Variants in INTS11 observed in about 807,000 individuals in gnomAD.
INTS11 encodes the protein integrator complex subunit 11.
A neutral mutation model predicts 78.6 loss-of-function variants in INTS11; 77 were observed. The ratio of observed to expected loss-of-function variants is 0.98; its 90% CI spans 0.81 to 1.18. The LOEUF (loss-of-function observed/expected upper bound fraction) is 1.18, where lower values mean the gene tolerates loss of function less well. Among genes scored for constraint, INTS11 ranks in the 50% most tolerant of loss-of-function variants. The probability of loss-of-function intolerance (pLI) is 0.00; values close to 1 mark genes in which losing one functional copy is unlikely to be tolerated. For missense variants in INTS11, 875 were observed against 825.9 expected, an observed-to-expected ratio of 1.06 and a Z score of -0.73; for synonymous variants, 441 against 326.9, an observed-to-expected ratio of 1.35 and a Z score of -3.77.
chr1:1,320,645 G>C (rs774065642), intron 2 of INTS11, 116 bp from the exon 3 acceptor site: 5 of 1,030,748 alleles, frequency 4.9e-6, no homozygotes, highest in African/African-American at 1.6e-5. Flanking sequence ...GACTCAGGCT[G>C]GGCACTCCCA....
chr1:1,319,480 T>TC lies in INTS11; in HGVS notation c.244dup (p.Glu82GlyfsTer65). On this transcript the variant is annotated frameshift_variant, in exon 4 of 17. Transcript: ENST00000435064. LOFTEE classifies it high-confidence loss of function. ...GATGGGCCCGTCGTAGCCCACCATC[T>TC]CGCTGAAGTAGGGGAGTGCCCCGCA... is the stretch of plus-strand genomic sequence containing the variant. The TC allele has an allele frequency of 6.2e-7, 1 of 1,605,524 alleles. No homozygotes were observed. Among genetic ancestry groups the TC allele is most frequent in the Non-Finnish European group, 8.5e-7 (1 of 1,175,414 alleles).
At position 1,311,851 on chromosome 1, in the gene INTS11, TGCC is replaced by T. The variant is rs1356457182; in HGVS notation, c.*5_*7del. 1.3e-6 allele frequency: 2 copies of T among 1,544,474 alleles called. No homozygotes were observed. Among genetic ancestry groups the T allele is most frequent in the Non-Finnish European group, 1.7e-6 (2 of 1,145,232 alleles). On this transcript the variant is annotated 3_prime_UTR_variant, in exon 17 of 17. Coordinates refer to ENST00000435064, the MANE Select transcript of INTS11 (RefSeq NM_017871.6). ...GGGCAGAGGTGGCGGCTGGGTGAGT[TGCC>T]GGCCTCAGCTGGGGGCCTGGGGGAG...
At chr1:1,323,507 C>T (rs1449995925) in intron 1 of INTS11, among the ~76,000 whole-genome samples, 1 of 152,098 alleles carries the variant, frequency 6.6e-6, no homozygotes, top group Non-Finnish European at 1.5e-5. Flanking sequence ...TGGGCTCAAG[C>T]AATCCTCACA....
rs141612519 is a variant in INTS11 at position 1,323,438 on chromosome 1, G to A, written c.28+1143C>T. 9.9e-3 allele frequency among the ~76,000 whole-genome samples: 1,505 copies of A among 152,186 alleles called. 8 individuals are homozygous for A. Among genetic ancestry groups the A allele is most frequent in the Non-Finnish European group, 0.014 (933 of 68,012 alleles). On this transcript the variant is annotated intron_variant, in intron 1 of 16. Transcript: ENST00000435064. ...TGACTTTCTTTTGAGACATGGTTTT[G>A]CTGTCACCCAGGCTGGAGTGCAGTG...
chr1:1,321,332 TC>T (rs1056586213), intron 1 of INTS11, among the ~76,000 whole-genome samples: 2 of 152,148 alleles, frequency 1.3e-5, no homozygotes, highest in African/African-American at 4.8e-5. Context: ...CCCGCCAGCT[TC>T]CCCTGGCCTC....
chr1:1,319,236 G>A, intron 4 of INTS11, 60 bp downstream of exon 4: 1 of 1,374,988 alleles, frequency 7.3e-7, no homozygotes, highest in Non-Finnish European at 1.0e-6. Context: ...AACGGGCGGA[G>A]GGCATGGTTG....
At position 1,320,870 on chromosome 1, in the gene INTS11, C is replaced by A. The variant is rs76181513; in HGVS notation, c.126+126G>T. ...CAGGCCCACCCATCCCTGCTCCCCACAGGGTGCAGCCATCCAAGCACAACC... is the reference window on the plus strand; with the variant it reads ...CAGGCCCACCCATCCCTGCTCCCCAAAGGGTGCAGCCATCCAAGCACAACC... On this transcript the variant is annotated intron_variant, in intron 2 of 16. Coordinates refer to ENST00000435064, the MANE Select transcript of INTS11 (RefSeq NM_017871.6). 0.016 allele frequency: 14,281 copies of A among 910,936 alleles called. 1,368 individuals are homozygous for A. In the African/African-American group the frequency reaches 0.21, roughly 13 times the overall value. 56.4% of individuals were successfully genotyped at this position (910,936 alleles called of 1,614,324 possible). A position where few individuals can be genotyped will look rare whatever the true frequency, so the allele number is the denominator to read the frequency against.
intron 1 of INTS11, chr1:1,322,008 G>A: frequency 7.5e-7 from 1 of 1,341,956 alleles, no homozygotes; most frequent in South Asian, 2.0e-5. Flanking sequence ...GGGATCTCAG[G>A]TTCTCTTCCA....
chr1:1,315,631 G>T lies in INTS11; in HGVS notation c.430-13C>A. 1 of 1,601,676 alleles carries T rather than the reference G, an allele frequency of 6.2e-7. No individual in the cohort carries two copies. Among genetic ancestry groups the T allele is most frequent in the Non-Finnish European group, 8.5e-7 (1 of 1,172,404 alleles). On this transcript the variant is annotated splice_polypyrimidine_tract_variant and intron_variant, in intron 4 of 16. Coordinates refer to ENST00000435064, the MANE Select transcript of INTS11 (RefSeq NM_017871.6). ...GCTCATCATCTACCTGTGGAGGACA[G>T]GGCTGCGCTCAGGCTGTGTCCTCAC... is the stretch of plus-strand genomic sequence containing the variant.
At position 1,321,916 on chromosome 1, in the gene INTS11, G is replaced by A. The variant is rs527335333; in HGVS notation, c.29-823C>T. On this transcript the variant is annotated intron_variant, in intron 1 of 16. Transcript: ENST00000435064. ...CCTTGAATCCCACCCACCTCCCCCTGCCAGCCACTCGAAGTGTCCAAAGCC... is the reference window on the plus strand; with the variant it reads ...CCTTGAATCCCACCCACCTCCCCCTACCAGCCACTCGAAGTGTCCAAAGCC... 305 of 991,160 alleles carry A rather than the reference G, an allele frequency of 3.1e-4. No individual in the cohort carries two copies. In the African/African-American group the frequency reaches 5.9e-3, roughly 19 times the overall value. 61.4% of individuals were successfully genotyped at this position (991,160 alleles called of 1,614,324 possible). A position where few individuals can be genotyped will look rare whatever the true frequency, so the allele number is the denominator to read the frequency against.
chr1:1,314,779 C>A lies in INTS11; in HGVS notation c.702+45G>T. 6.3e-7 allele frequency: 1 copy of A among 1,584,958 alleles called. No homozygotes were observed. Among genetic ancestry groups the A allele is most frequent in the Non-Finnish European group, 8.6e-7 (1 of 1,160,246 alleles). On this transcript the variant is annotated intron_variant, in intron 7 of 16. Coordinates refer to ENST00000435064, the MANE Select transcript of INTS11 (RefSeq NM_017871.6). The surrounding 1 kb of genome is among the most constrained non-coding windows in gnomAD (Gnocchi z 4.2). Reference sequence around the variant, plus strand: ...CAGCCAAGCCTGCCAGAAAGACCAGCCCAGCATGGCCGAGGGCCCATGTCC... The same window carrying A: ...CAGCCAAGCCTGCCAGAAAGACCAGACCAGCATGGCCGAGGGCCCATGTCC...
Position 1,320,453 on chromosome 1 carries a change from C to T in INTS11, c.200+3G>A, listed in dbSNP as rs776684200. The T allele has an allele frequency of 3.8e-5, 61 of 1,613,702 alleles. No individual in the cohort carries two copies. The highest frequency in any genetic ancestry group is 4.6e-5 in the Non-Finnish European group (54 of 1,179,818). On this transcript the variant is annotated splice_donor_region_variant and intron_variant, in intron 3 of 16. Transcript: ENST00000435064. Reference sequence around the variant, plus strand: ...ACCCTCAAGGCCCCCAACAGGAACCCACCTAATGATCACACAGTCCAGGAA... The same window carrying T: ...ACCCTCAAGGCCCCCAACAGGAACCTACCTAATGATCACACAGTCCAGGAA...
chr1:1,319,585 T>C (rs1642825486), intron 3 of INTS11, 61 bp from the exon 4 acceptor site: 1 of 1,215,386 alleles, frequency 8.2e-7, no homozygotes, highest in South Asian at 1.4e-5. Context: ...ACCCCCGCTC[T>C]GGGCTTGTGG....
intron 4 of INTS11, chr1:1,318,768 A>G (rs1181140346): frequency 1.9e-6 from 1 of 535,804 alleles, no homozygotes; most frequent in Non-Finnish European, 3.4e-6. Context: ...TTCAAGAAAT[A>G]TAAAAGCAAT....
In INTS11 at chr1:1,314,680, T is replaced by C. The variant is rs1642468097; in HGVS notation, c.702+144A>G. Reference sequence around the variant, plus strand: ...GGTCTCTGAGTTTTCCTCCTCAATGTTGAGCAAATCTTCTTCCCTCCCTGC... The same window carrying C: ...GGTCTCTGAGTTTTCCTCCTCAATGCTGAGCAAATCTTCTTCCCTCCCTGC... On this transcript the variant is annotated intron_variant, in intron 7 of 16. Transcript: ENST00000435064. This position sits in a 1 kb window ranked among gnomAD's most constrained non-coding sequence, Gnocchi z 4.2. 5.7e-6 allele frequency: 6 copies of C among 1,057,942 alleles called. No individual in the cohort carries two copies. The highest frequency in any genetic ancestry group is 2.3e-5 in the Admixed American group (1 of 43,070). 65.5% of individuals were successfully genotyped at this position (1,057,942 alleles called of 1,614,324 possible).
chr1:1,312,198 T>TAG, intron 15 of INTS11, 28 bp downstream of exon 15: 1 of 1,078,598 alleles, frequency 9.3e-7, no homozygotes, highest in African/African-American at 2.4e-5. Context: ...CCCAAGGGAG[T>TAG]GGGGGGGGGG....
chr1:1,313,226 C>T, intron 10 of INTS11, 102 bp from the exon 11 acceptor site: 2 of 1,342,272 alleles, frequency 1.5e-6, no homozygotes, highest in Non-Finnish European at 2.1e-6. Context: ...CTGTTTCCAC[C>T]TGCCAGCGGC....
intron 1 of INTS11, chr1:1,323,072 G>C: frequency 1.4e-6 from 2 of 1,478,144 alleles, no homozygotes; most frequent in Non-Finnish European, 1.8e-6. Context: ...GGAGGGCAGT[G>C]GGGCCCATGC....
intron 1 of INTS11, chr1:1,323,043 G>A (rs1643055500): frequency 1.3e-5 from 19 of 1,432,630 alleles, no homozygotes; most frequent in Middle Eastern, 2.5e-4. Context: ...AGGACCCCAC[G>A]GAGGACCCAG....
Sources: allele counts gnomAD v4.1 joint callset (sites outside exome capture counted in the v4.1 genomes callset), GRCh38; gene constraint gnomAD v4.1.1; non-coding constraint Gnocchi (gnomAD v3.1); transcripts MANE v1.5; gene names NCBI Gene and HGNC (gene_info 2026-07-23, HGNC 2026-07-21).